The following RAB27B variants were observed in gnomAD, a reference collection of about 807,000 sequenced individuals.
RAB27B encodes the protein ras-related protein Rab-27B.
Under a neutral mutation model 24.6 loss-of-function variants are expected in RAB27B, and 15 were observed. The observed-to-expected ratio is 0.61, with a 90% confidence interval of 0.41 to 0.94. The LOEUF is 0.94. Among genes scored for constraint, RAB27B ranks in the 40% least tolerant of loss-of-function variants. The pLI, the probability that RAB27B is intolerant of heterozygous loss-of-function variation, is 0.00. For synonymous variants in RAB27B, 105 were observed against 92.5 expected (o/e 1.14, Z -0.78); for missense variants, 261 against 266.8 (o/e 0.98, Z 0.15).
intron 2 of RAB27B, among the ~76,000 whole-genome samples, chr18:54,799,791 G>C (rs1364660115): frequency 6.6e-6 from 1 of 151,704 alleles, no homozygotes; most frequent in African/African-American, 2.4e-5. Context: ...CACCACACCT[G>C]GCTAATTTTT....
At chr18:54,882,467 C>A (rs1296831140) in intron 3 of RAB27B, among the ~76,000 whole-genome samples, 1 of 152,128 alleles carries the variant, frequency 6.6e-6, no homozygotes, top group Non-Finnish European at 1.5e-5. Context: ...AGGATACTAA[C>A]AGGAAAACAA....
chr18:54,718,646 C>T (rs1051995239), intron 2 of RAB27B, among the ~76,000 whole-genome samples: 3 of 152,070 alleles, frequency 2.0e-5, no homozygotes, highest in African/African-American at 7.2e-5. Flanking sequence ...ATACTTTTTC[C>T]TGACTCAATA....
chr18:54,875,866 C>T (rs1366373345), intron 1 of RAB27B, among the ~76,000 whole-genome samples: 1 of 151,894 alleles, frequency 6.6e-6, no homozygotes, highest in African/African-American at 2.4e-5. Flanking sequence ...AATATAAAAA[C>T]AAAAAATTGT....
intron 2 of RAB27B, among the ~76,000 whole-genome samples, chr18:54,784,716 C>T (rs927986281): frequency 2.0e-5 from 3 of 152,090 alleles, no homozygotes; most frequent in Non-Finnish European, 2.9e-5. Context: ...AATCCACTGT[C>T]GATAGGCACC....
chr18:54,868,857 C>A (rs1294463038), intron 1 of RAB27B, among the ~76,000 whole-genome samples: 3 of 152,096 alleles, frequency 2.0e-5, no homozygotes, highest in Non-Finnish European at 4.4e-5. Flanking sequence ...CAACTAAACT[C>A]TCTGTTTTTA....
chr18:54,847,059 C>T (rs1462835317), intron 1 of RAB27B, among the ~76,000 whole-genome samples: 1 of 152,150 alleles, frequency 6.6e-6, no homozygotes, highest in Non-Finnish European at 1.5e-5. Flanking sequence ...CTATGTTGGC[C>T]AGGCTGGTCT....
At chr18:54,761,191 G>A (rs1339963318) in intron 2 of RAB27B, among the ~76,000 whole-genome samples, 1 of 152,054 alleles carries the variant, frequency 6.6e-6, no homozygotes, top group African/African-American at 2.4e-5. Flanking sequence ...GAGCCCCATT[G>A]TAGTTTTTCA....
At chr18:54,733,708 A>C (rs561968257) in intron 2 of RAB27B, among the ~76,000 whole-genome samples, 1 of 124,958 alleles carries the variant, frequency 8.0e-6, no homozygotes, top group South Asian at 2.8e-4. Context: ...CTTCTTTCCT[A>C]TTCCCTGTCC....
chr18:54,771,764 A>G (rs1297697762), intron 2 of RAB27B, among the ~76,000 whole-genome samples: 4 of 152,140 alleles, frequency 2.6e-5, no homozygotes, highest in Non-Finnish European at 5.9e-5. Flanking sequence ...CTACTTATAA[A>G]GAAGCCAGGC....
intron 2 of RAB27B, among the ~76,000 whole-genome samples, chr18:54,731,190 G>A (rs1909720023): frequency 6.6e-6 from 1 of 152,154 alleles, no homozygotes; most frequent in Non-Finnish European, 1.5e-5. Flanking sequence ...AAGGGACTGT[G>A]AAATAATTGT....
chr18:54,838,517 G>A (rs986434859), intron 1 of RAB27B, among the ~76,000 whole-genome samples: 2 of 152,018 alleles, frequency 1.3e-5, no homozygotes, highest in East Asian at 1.9e-4. Context: ...TAATTAGTAC[G>A]AGAACATATT....
intron 1 of RAB27B, among the ~76,000 whole-genome samples, chr18:54,870,425 TA>T (rs1162476254): frequency 6.6e-6 from 1 of 152,050 alleles, no homozygotes; most frequent in Non-Finnish European, 1.5e-5. Context: ...GGGAAAACAC[TA>T]AAAAAATTTT....
At chr18:54,857,754 C>A (rs1299786932) in intron 1 of RAB27B, among the ~76,000 whole-genome samples, 1 of 152,200 alleles carries the variant, frequency 6.6e-6, no homozygotes, top group Non-Finnish European at 1.5e-5. Context: ...CTCATTATGA[C>A]CCTGCTCATC....
intron 2 of RAB27B, among the ~76,000 whole-genome samples, chr18:54,821,999 C>A (rs566365304): frequency 3.5e-4 from 53 of 152,142 alleles, no homozygotes; most frequent in African/African-American, 1.2e-3. Flanking sequence ...GTGATCCACC[C>A]GCCTAGACCT....
chr18:54,812,550 AACACACACACACACACACACACAC>A (rs10595171), intron 2 of RAB27B, among the ~76,000 whole-genome samples: 14 of 139,108 alleles, frequency 1.0e-4, no homozygotes, highest in African/African-American at 3.5e-4. Flanking sequence ...GAACTCCTTT[AACACACACACACACACACACACAC>A]ACACACACAC....
At chr18:54,811,346 G>A (rs767793655) in intron 2 of RAB27B, among the ~76,000 whole-genome samples, 51 of 152,126 alleles carry the variant, frequency 3.4e-4, no homozygotes, top group Non-Finnish European at 5.6e-4. Context: ...ACATTTTGGG[G>A]GATGTGAGAT....
chr18:54,730,336 G>A (rs1346496225), intron 2 of RAB27B, among the ~76,000 whole-genome samples: 1 of 152,178 alleles, frequency 6.6e-6, no homozygotes, highest in Non-Finnish European at 1.5e-5. Flanking sequence ...AAAAACAGGT[G>A]CTGACATGGA....
intron 1 of RAB27B, among the ~76,000 whole-genome samples, chr18:54,865,511 A>G (rs1480731913): frequency 6.6e-6 from 1 of 152,224 alleles, no homozygotes; most frequent in Non-Finnish European, 1.5e-5. Context: ...TATTCCAACC[A>G]TAAAAGAGTT....
intron 1 of RAB27B, among the ~76,000 whole-genome samples, chr18:54,850,356 A>ATATATATG (rs1304515980): frequency 1.4e-5 from 2 of 139,246 alleles, no homozygotes; most frequent in African/African-American, 5.5e-5. Context: ...ATATATATAT[A>ATATATATG]TATACATACA....
Sources: gnomAD v4.1 joint callset for allele counts (sites outside exome capture counted in the v4.1 genomes callset) on GRCh38, gnomAD v4.1.1 for gene constraint, MANE v1.5 for transcripts, NCBI Gene and HGNC (gene_info 2026-07-23, HGNC 2026-07-21) for gene names.